Variants in NCKAP5 observed in about 807,000 individuals in gnomAD.
The protein encoded by NCKAP5 is nck-associated protein 5.
A neutral mutation model predicts 167.0 loss-of-function variants in NCKAP5; 92 were observed. The ratio of observed to expected loss-of-function variants is 0.55; its 90% CI spans 0.47 to 0.66. The LOEUF is 0.66. Among genes scored for constraint, NCKAP5 ranks in the 30% least tolerant of loss-of-function variants. The probability of loss-of-function intolerance (pLI) is 0.00; values close to 1 mark genes in which losing one functional copy is unlikely to be tolerated. For missense variants in NCKAP5, 2,378 were observed against 2,315.0 expected, an observed-to-expected ratio of 1.03 and a Z score of -0.56; for synonymous variants, 891 against 877.4, an observed-to-expected ratio of 1.02 and a Z score of -0.27.
chr2:133,462,985 T>C (rs1424322264), intron 3 of NCKAP5, among the ~76,000 whole-genome samples: 1 of 152,208 alleles, frequency 6.6e-6, no homozygotes, highest in East Asian at 1.9e-4. Flanking sequence ...TCTTTGTACT[T>C]CCATCTGCGT....
At chr2:133,364,666 G>A (rs1002818712) in intron 3 of NCKAP5, among the ~76,000 whole-genome samples, 1 of 152,132 alleles carries the variant, frequency 6.6e-6, no homozygotes, top group African/African-American at 2.4e-5. Flanking sequence ...GAATTTGACT[G>A]AGGCTGTGCA....
chr2:132,806,744 C>T (rs190893435), intron 11 of NCKAP5, among the ~76,000 whole-genome samples: 81 of 152,168 alleles, frequency 5.3e-4, no homozygotes, highest in African/African-American at 1.9e-3. Flanking sequence ...GCTGACTGTT[C>T]CTTTTGCTGT....
At chr2:133,097,088 T>C (rs1390136728) in intron 6 of NCKAP5, among the ~76,000 whole-genome samples, 2 of 152,162 alleles carry the variant, frequency 1.3e-5, no homozygotes, top group African/African-American at 2.4e-5. Flanking sequence ...CTAGCTAAGT[T>C]TGAACTGACG....
At chr2:132,982,198 C>T (rs576977019) in intron 7 of NCKAP5, among the ~76,000 whole-genome samples, 8 of 152,274 alleles carry the variant, frequency 5.3e-5, no homozygotes, top group Admixed American at 3.3e-4. Flanking sequence ...GTGCTATGCA[C>T]GCTATCATAC....
chr2:133,053,276 A>G (rs1001794549), intron 6 of NCKAP5, among the ~76,000 whole-genome samples: 1 of 152,220 alleles, frequency 6.6e-6, no homozygotes. Flanking sequence ...CTGTCCAGAA[A>G]GAAAGATGCT....
intron 3 of NCKAP5, among the ~76,000 whole-genome samples, chr2:133,382,366 C>G (rs184441764): frequency 6.6e-6 from 1 of 152,268 alleles, no homozygotes; most frequent in South Asian, 2.1e-4. Flanking sequence ...CACACAGTAC[C>G]TAGAGTGACT....
At chr2:132,690,864 A>G (rs1686645815) in intron 19 of NCKAP5, among the ~76,000 whole-genome samples, 1 of 151,992 alleles carries the variant, frequency 6.6e-6, no homozygotes, top group African/African-American at 2.4e-5. Flanking sequence ...TCTAACTTCC[A>G]CCATGTGCCC....
intron 5 of NCKAP5, among the ~76,000 whole-genome samples, chr2:133,155,669 G>C (rs2083550023): frequency 6.6e-6 from 1 of 152,184 alleles, no homozygotes; most frequent in Non-Finnish European, 1.5e-5. Flanking sequence ...TAGACTTGTA[G>C]ACTTTGAGTA....
chr2:133,213,752 C>G lies in NCKAP5; in HGVS notation c.171G>C (p.Gln57His). The change falls in exon 5 of 20, where the codon CAG (glutamine) becomes CAC (histidine). Residue 57 changes from glutamine (Q) to histidine (H), a missense_variant. Physicochemically the swap from Gln to His is conservative, Grantham distance 24 (BLOSUM62 0). Around this residue, in one of 3 missense-constraint regions of NCKAP5, gnomAD observed 1,049 missense variants for 1,023.4 expected, o/e 1.02. Coordinates refer to ENST00000409261, the MANE Select transcript of NCKAP5 (RefSeq NM_207363.3). ...WREKLAVARLQREVAQRTSEG... is the reference protein window; with the variant it reads ...WREKLAVARLHREVAQRTSEG... Reference sequence around the variant, plus strand: ...CACTTGTTCTTTGGGCAACTTCTCGCTGTAGTCGGGCCACTGCCAACTTCT... The same window carrying G: ...CACTTGTTCTTTGGGCAACTTCTCGGTGTAGTCGGGCCACTGCCAACTTCT... The G allele has an allele frequency of 6.2e-7, 1 of 1,613,792 alleles. No homozygotes were observed. Among genetic ancestry groups the G allele is most frequent in the Non-Finnish European group, 8.5e-7 (1 of 1,179,796 alleles).
At chr2:132,896,391 C>T (rs946616709) in intron 8 of NCKAP5, among the ~76,000 whole-genome samples, 1 of 152,188 alleles carries the variant, frequency 6.6e-6, no homozygotes, top group Non-Finnish European at 1.5e-5. Context: ...GATTCATACA[C>T]CACCCTTGTT....
At chr2:132,913,116 C>T (rs1171597624) in intron 8 of NCKAP5, among the ~76,000 whole-genome samples, 1 of 151,884 alleles carries the variant, frequency 6.6e-6, no homozygotes, top group African/African-American at 2.4e-5. Context: ...GGCCTTTCAG[C>T]TATGATATGC....
intron 8 of NCKAP5, among the ~76,000 whole-genome samples, chr2:132,896,068 G>A (rs1265624819): frequency 6.6e-6 from 1 of 152,184 alleles, no homozygotes; most frequent in Non-Finnish European, 1.5e-5. Context: ...CCAGGAGGTG[G>A]AGGTTGCAGT....
intron 5 of NCKAP5, among the ~76,000 whole-genome samples, chr2:133,157,099 A>T (rs1387575915): frequency 6.6e-6 from 1 of 152,220 alleles, no homozygotes; most frequent in Non-Finnish European, 1.5e-5. Flanking sequence ...CCAACCCACA[A>T]TAATTCCATT....
chr2:133,204,750 C>T (rs1423118014), intron 5 of NCKAP5, among the ~76,000 whole-genome samples: 1 of 152,212 alleles, frequency 6.6e-6, no homozygotes, highest in Non-Finnish European at 1.5e-5. Flanking sequence ...TCCATTTCTA[C>T]ATATCCTTGC....
At chr2:133,492,144 A>AGAGTGTGTGTGTGTGTGTGTGTGTGT (rs1491355463) in intron 3 of NCKAP5, among the ~76,000 whole-genome samples, 10 of 141,562 alleles carry the variant, frequency 7.1e-5, no homozygotes, top group African/African-American at 2.4e-4. Flanking sequence ...ATATCTAGTT[A>AGAGTGTGTGTGTGTGTGTGTGTGTGT]GTGTGTGTGT....
intron 5 of NCKAP5, among the ~76,000 whole-genome samples, chr2:133,187,814 G>A (rs1482872411): frequency 6.6e-6 from 1 of 151,280 alleles, no homozygotes. Context: ...GCTTTTTTTT[G>A]TTTTCCATTT....
chr2:133,108,647 C>T (rs1333743177), intron 6 of NCKAP5, among the ~76,000 whole-genome samples: 1 of 152,210 alleles, frequency 6.6e-6, no homozygotes, highest in Non-Finnish European at 1.5e-5. Flanking sequence ...AGAACGTATT[C>T]ATCCTTCATG....
At chr2:132,895,998 G>A (rs1693172018) in intron 8 of NCKAP5, among the ~76,000 whole-genome samples, 2 of 152,036 alleles carry the variant, frequency 1.3e-5, no homozygotes, top group African/African-American at 4.8e-5. Context: ...AGCTGGGCGT[G>A]GTGGGAAGCA....
intron 6 of NCKAP5, among the ~76,000 whole-genome samples, chr2:133,076,468 C>T (rs772866793): frequency 6.6e-6 from 1 of 151,274 alleles, no homozygotes; most frequent in Middle Eastern, 3.2e-3. Flanking sequence ...ATCCATCCTA[C>T]GTATGAAAAA....
Sources: gnomAD v4.1 joint callset for allele counts (sites outside exome capture counted in the v4.1 genomes callset) on GRCh38, gnomAD v4.1.1 for gene constraint, gnomAD v4.1.1 regional missense constraint, MANE v1.5 for transcripts, NCBI Gene and HGNC (gene_info 2026-07-23, HGNC 2026-07-21) for gene names.